SEMA3B: variants seen among roughly 807,000 people sequenced by gnomAD.
SEMA3B encodes semaphorin-3B.
Under a neutral mutation model 77.8 loss-of-function variants are expected in SEMA3B, and 71 were observed. The ratio of observed to expected loss-of-function variants is 0.91; its 90% CI spans 0.75 to 1.11. The LOEUF is 1.11. Ranked by LOEUF, SEMA3B falls within the 50% of genes most tolerant of loss-of-function variation. The pLI, the probability that SEMA3B is intolerant of heterozygous loss-of-function variation, is 0.00. For missense variants in SEMA3B, 968 were observed against 1,056.8 expected, an observed-to-expected ratio of 0.92 and a Z score of 1.17; for synonymous variants, 470 against 452.9, an observed-to-expected ratio of 1.04 and a Z score of -0.48.
At position 50,273,935 on chromosome 3, in the gene SEMA3B, G is replaced by A. The variant is rs781958270; in HGVS notation, c.1015G>A (p.Val339Met). Residue 339 changes from valine (V) to methionine (M), a missense_variant, in exon 10 of 17, where the codon GTG (valine) becomes ATG (methionine). Physicochemically the swap from Val to Met is conservative, Grantham distance 21. Transcript: ENST00000616701. The surrounding 1 kb of genome is among the most constrained non-coding windows in gnomAD (Gnocchi z 6.5). ...TSSSIFQGSA[V>M]CVYSMNDVRR... Reference sequence around the variant, plus strand: ...CAGCAGCATCTTCCAGGGCTCTGCGGTGTGCGTGTACAGCATGAACGACGT... The same window carrying A: ...CAGCAGCATCTTCCAGGGCTCTGCGATGTGCGTGTACAGCATGAACGACGT... 1 of 1,611,652 alleles carries A rather than the reference G, an allele frequency of 6.2e-7. No homozygotes were observed. The highest frequency in any genetic ancestry group is 8.5e-7 in the Non-Finnish European group (1 of 1,178,304).
rs1701003489 is a variant in SEMA3B at position 50,270,071 on chromosome 3, C to G, written c.110-56C>G. On this transcript the variant is annotated intron_variant, in intron 1 of 16. Transcript: ENST00000616701. This position sits in a 1 kb window ranked among gnomAD's most constrained non-coding sequence, Gnocchi z 4.7. Reference sequence around the variant, plus strand: ...CCGATAGAGTCACCACCAGGCAGGACCTGGGGGAGGCTTCCAGCATGGCTG... The same window carrying G: ...CCGATAGAGTCACCACCAGGCAGGAGCTGGGGGAGGCTTCCAGCATGGCTG... The G allele has an allele frequency of 6.8e-7, 1 of 1,480,306 alleles. No individual in the cohort carries two copies. The highest frequency in any genetic ancestry group is 9.0e-7 in the Non-Finnish European group (1 of 1,112,946). 91.7% of individuals were successfully genotyped at this position (1,480,306 alleles called of 1,614,324 possible).
chr3:50,276,494 G>T lies in SEMA3B; in HGVS notation c.2038G>T (p.Ala680Ser). 2 of 1,531,582 alleles carry T rather than the reference G, an allele frequency of 1.3e-6. No homozygotes were observed. The highest frequency in any genetic ancestry group is 1.2e-5 in the South Asian group (1 of 83,582). 94.9% of individuals were successfully genotyped at this position (1,531,582 alleles called of 1,614,324 possible). A position where few individuals can be genotyped will look rare whatever the true frequency, so the allele number is the denominator to read the frequency against. Residue 680 changes from alanine to serine, a missense_variant, in exon 17 of 17, where the codon GCC becomes TCC. Transcript: ENST00000616701. This position sits in a 1 kb window ranked among gnomAD's most constrained non-coding sequence, Gnocchi z 5.8. ...RLARAEEAAP[A>S]APPGPKLWYR... ...GGCGCGGGCCGAGGAGGCTGCGCCC[G>T]CCGCGCCGCCGGGCCCCAAACTCTG...
chr3:50,273,499 T>G lies in SEMA3B; in HGVS notation c.811-36T>G. 6.2e-7 allele frequency: 1 copy of G among 1,609,476 alleles called. No homozygotes were observed. The highest frequency in any genetic ancestry group is 1.1e-5 in the South Asian group (1 of 90,872). On this transcript the variant is annotated intron_variant, in intron 7 of 16. Transcript: ENST00000616701. This position sits in a 1 kb window ranked among gnomAD's most constrained non-coding sequence, Gnocchi z 6.5. ...CCTGCCCCTACCCCTTTGCCTGCCC[T>G]GGTCTCGCCCTCATCCCCTTTGATC...
chr3:50,274,730 T>G lies in SEMA3B; in HGVS notation c.1358-113T>G. 1 of 1,408,696 alleles carries G rather than the reference T, an allele frequency of 7.1e-7. No homozygotes were observed. Among genetic ancestry groups the G allele is most frequent in the Non-Finnish European group, 9.8e-7 (1 of 1,023,304 alleles). 87.3% of individuals were successfully genotyped at this position (1,408,696 alleles called of 1,614,324 possible). ...TGCTGCCCAACCCACACTCTTCCAG[T>G]CCACACTCTTCACAACCCAAACATG... On this transcript the variant is annotated intron_variant, in intron 11 of 16. Coordinates refer to ENST00000616701, the MANE Select transcript of SEMA3B (RefSeq NM_001290060.2). This position sits in a 1 kb window ranked among gnomAD's most constrained non-coding sequence, Gnocchi z 4.7.
rs1280720681 is a variant in SEMA3B at position 50,275,519 on chromosome 3, G to C, written c.1650-41G>C. ...GGCGAAGGGTCTTTCACTGCCCGGG[G>C]CTGAAAGAAGGGCTCACAGAAGATC... On this transcript the variant is annotated intron_variant, in intron 14 of 16. Coordinates refer to ENST00000616701, the MANE Select transcript of SEMA3B (RefSeq NM_001290060.2). The surrounding 1 kb of genome is among the most constrained non-coding windows in gnomAD (Gnocchi z 7.5). The C allele has an allele frequency of 1.9e-6, 3 of 1,613,256 alleles. No homozygotes were observed. In the African/African-American group the frequency reaches 4.0e-5, roughly 22 times the overall value.
upstream of SEMA3B, chr3:50,266,669 T>C (rs1384995756): frequency 6.6e-6 from 1 of 152,160 alleles, no homozygotes; most frequent in African/African-American, 2.4e-5. Context: ...TTCACTCAGG[T>C]GGACTTCAGG....
intron 6 of SEMA3B, among the ~76,000 whole-genome samples, chr3:50,272,855 A>AAATAATAATAAGAATAAT (rs1701090711): frequency 6.9e-6 from 1 of 145,576 alleles, no homozygotes; most frequent in Admixed American, 7.0e-5. Context: ...ATAAATAAAC[A>AAATAATAATAAGAATAAT]AATAATAATA....
chr3:50,265,502 C>T (rs1017432301), upstream of SEMA3B, among the ~76,000 whole-genome samples: 1 of 152,198 alleles, frequency 6.6e-6, no homozygotes, highest in African/African-American at 2.4e-5. Context: ...TTTGGCACAA[C>T]AATCCAGGTT....
Position 50,277,052 on chromosome 3 carries a change from G to A in SEMA3B, c.*346G>A. ...CACCTCCTTGGGTAGTGAGCAGTGA[G>A]CAGAAAGCTGTGAACAGGCTGGGCT... On this transcript the variant is annotated 3_prime_UTR_variant, in exon 17 of 17. Transcript: ENST00000616701. 1 of 307,920 alleles carries A rather than the reference G, an allele frequency of 3.2e-6. No homozygotes were observed. Among genetic ancestry groups the A allele is most frequent in the Non-Finnish European group, 6.0e-6 (1 of 167,764 alleles). 19.1% of individuals were successfully genotyped at this position (307,920 alleles called of 1,614,324 possible).
At chr3:50,262,571 T>C (rs2109227992), upstream of SEMA3B, 1 of 152,330 alleles carries the variant, frequency 6.6e-6, no homozygotes, top group East Asian at 1.9e-4. Context: ...AATATGTCCA[T>C]GCCTGCAAGC....
rs782256699 is a variant in SEMA3B at position 50,269,252 on chromosome 3, CG to C, written c.16del (p.Ala6LeufsTer4). 6.5e-7 allele frequency: 1 copy of C among 1,536,378 alleles called. No individual in the cohort carries two copies. Among genetic ancestry groups the C allele is most frequent in the South Asian group, 1.2e-5 (1 of 84,004 alleles). ...CCTGAGCTGCTGAGATGGGGCGGGC[CG>C]GGGCTGCCGCCGTGATCCCGGGCCT... MGRA[G>X]AAAVIPGLAL... On this transcript the variant is annotated frameshift_variant, in exon 1 of 17. Transcript: ENST00000616701. LOFTEE classifies it high-confidence loss of function. This position sits in a 1 kb window ranked among gnomAD's most constrained non-coding sequence, Gnocchi z 4.0.
intron 5 of SEMA3B, 83 bp from the exon 6 acceptor site, chr3:50,271,278 A>T: frequency 1.3e-6 from 2 of 1,547,424 alleles, no homozygotes; most frequent in Non-Finnish European, 1.7e-6. Context: ...ATCCCCCATA[A>T]CCTCACTCAC....
chr3:50,276,927 C>G lies in SEMA3B; in HGVS notation c.*221C>G. 3.9e-6 allele frequency: 2 copies of G among 516,278 alleles called. No individual in the cohort carries two copies. The highest frequency in any genetic ancestry group is 6.4e-6 in the Non-Finnish European group (2 of 312,556). 32.0% of individuals were successfully genotyped at this position (516,278 alleles called of 1,614,324 possible). A position where few individuals can be genotyped will look rare whatever the true frequency, so the allele number is the denominator to read the frequency against. On this transcript the variant is annotated 3_prime_UTR_variant, in exon 17 of 17. Transcript: ENST00000616701. This position sits in a 1 kb window ranked among gnomAD's most constrained non-coding sequence, Gnocchi z 5.8. ...CCCCGGGAGGGCGGCACAGGTCGGG[C>G]GCAGGATTCAGCCGGAGGGAAGGGA...
chr3:50,263,648 A>G (rs587703988), upstream of SEMA3B, among the ~76,000 whole-genome samples: 9 of 151,978 alleles, frequency 5.9e-5, no homozygotes, highest in East Asian at 1.5e-3. Context: ...ATGGGGAGAG[A>G]AATGACAGAA....
chr3:50,271,013 A>G lies in SEMA3B; in HGVS notation c.450+4A>G, dbSNP rs782023960. On this transcript the variant is annotated splice_donor_region_variant and intron_variant, in intron 4 of 16. Transcript: ENST00000616701. ...GGAAGTGGGCCACCGGGCAGAGGTAAGGCCGGATCTAGGCAGGGAGGGAGG... is the reference window on the plus strand; with the variant it reads ...GGAAGTGGGCCACCGGGCAGAGGTAGGGCCGGATCTAGGCAGGGAGGGAGG... The G allele has an allele frequency of 6.3e-7, 1 of 1,598,728 alleles. No individual in the cohort carries two copies. Among genetic ancestry groups the G allele is most frequent in the African/African-American group, 1.3e-5 (1 of 74,612 alleles).
rs782552193 is a variant in SEMA3B at position 50,276,330 on chromosome 3, C to T, written c.1874C>T (p.Thr625Ile). The change falls in exon 17 of 17, where the codon ACC becomes ATC. Residue 625 changes from threonine to isoleucine, a missense_variant. Transcript: ENST00000616701. This position sits in a 1 kb window ranked among gnomAD's most constrained non-coding sequence, Gnocchi z 5.8. ...QVLAEERTER[T>I]ARGLLLRRLR... ...CTGGCAGAGGAGCGCACCGAGCGCA[C>T]CGCCCGGGGACTACTGCTGCGCAGG... is the stretch of plus-strand genomic sequence containing the variant. 3.9e-6 allele frequency: 6 copies of T among 1,525,770 alleles called. No homozygotes were observed. The highest frequency in any genetic ancestry group is 4.4e-6 in the Non-Finnish European group (5 of 1,139,978). The allele number at this position is 1,525,770 out of a possible 1,614,324, so 94.5% of individuals were successfully genotyped here.
chr3:50,276,617 C>G lies in SEMA3B; in HGVS notation c.2161C>G (p.Leu721Val). Residue 721 changes from leucine (L) to valine (V), a missense_variant, in exon 17 of 17, where the codon CTG (leucine) becomes GTG (valine). Coordinates refer to ENST00000616701, the MANE Select transcript of SEMA3B (RefSeq NM_001290060.2). The surrounding 1 kb of genome is among the most constrained non-coding windows in gnomAD (Gnocchi z 5.8). The stretch of plus-strand genomic sequence containing the variant: ...GCAGCCTGCGCTGCAGTCACTGCCC[C>G]TGGAGTCGCGGAGAAAGGGCCGTAA... Reference protein sequence around the residue: ...RPQPALQSLPLESRRKGRNRR... With the variant: ...RPQPALQSLPVESRRKGRNRR... The G allele has an allele frequency of 6.3e-7, 1 of 1,591,006 alleles. No homozygotes were observed. Among genetic ancestry groups the G allele is most frequent in the Middle Eastern group, 1.7e-4 (1 of 6,032 alleles).
rs1444729808 is a variant in SEMA3B, at chr3:50,276,592, G to T, written c.2136G>T (p.Pro712=). The part of the protein sequence containing the change: ...GSANSLRMCR[P]QPALQSLPLE... The stretch of plus-strand genomic sequence containing the variant: ...CGAACTCCCTGCGCATGTGCCGCCC[G>T]CAGCCTGCGCTGCAGTCACTGCCCC... Residue 712 remains proline (P), a synonymous_variant, in exon 17 of 17, where the codon CCG becomes CCT. Transcript: ENST00000616701. The surrounding 1 kb of genome is among the most constrained non-coding windows in gnomAD (Gnocchi z 5.8). The T allele has an allele frequency of 1.9e-6, 3 of 1,570,132 alleles. No individual in the cohort carries two copies. The South Asian group carries it at 3.5e-5, about 18-fold the overall frequency.
Position 50,271,361 on chromosome 3 carries a change from G to T in SEMA3B, c.545G>T (p.Gly182Val), listed in dbSNP as rs1047857530. ...TGAGTGGCCCTTGCTCTGTCTGCAG[G>T]GGAGGAGCTATACTCAGGGGTGGCA... ...PRHRAASVLV[G>V]EELYSGVAAD... The change falls in exon 6 of 17, where the codon GGG (glycine) becomes GTG (valine). Residue 182 changes from glycine (G) to valine (V), a missense_variant and splice_region_variant. Gly to Val is a moderately radical substitution (Grantham distance 109). Coordinates refer to ENST00000616701, the MANE Select transcript of SEMA3B (RefSeq NM_001290060.2). 2 of 1,573,660 alleles carry T rather than the reference G, an allele frequency of 1.3e-6. No individual in the cohort carries two copies. The highest frequency in any genetic ancestry group is 2.7e-5 in the African/African-American group (2 of 73,942).
Sources: allele counts gnomAD v4.1 joint callset (sites outside exome capture counted in the v4.1 genomes callset), GRCh38; gene constraint gnomAD v4.1.1; non-coding constraint Gnocchi (gnomAD v3.1); transcripts MANE v1.5; gene names NCBI Gene and HGNC (gene_info 2026-07-23, HGNC 2026-07-21).